The following HLA-DMB variants were observed in gnomAD, a reference collection of about 807,000 sequenced individuals.
HLA-DMB encodes the protein HLA class II histocompatibility antigen, DM beta chain.
A neutral mutation model predicts 29.3 loss-of-function variants in HLA-DMB; 18 were observed. That is an observed-to-expected ratio of 0.62 (90% CI 0.43 to 0.91). The LOEUF (loss-of-function observed/expected upper bound fraction) is 0.91. Ranked by LOEUF, HLA-DMB falls within the 40% of genes least tolerant of loss-of-function variation. The pLI is 0.00. For missense variants in HLA-DMB, 258 were observed against 320.9 expected (o/e 0.80, Z 1.50); for synonymous variants, 143 against 128.7 (o/e 1.11, Z -0.75).
intron 3 of HLA-DMB, chr6:32,935,868 C>T: frequency 1.7e-6 from 1 of 584,194 alleles, no homozygotes; most frequent in Non-Finnish European, 3.0e-6. Flanking sequence ...AACCCATCTC[C>T]CCAGAATTAG....
chr6:32,935,075 A>G, intron 5 of HLA-DMB, 88 bp from the exon 6 acceptor site: 2 of 1,482,172 alleles, frequency 1.3e-6, no homozygotes, highest in Non-Finnish European at 1.9e-6. Context: ...GCCTTAATAC[A>G]GTGATACTGA....
At chr6:32,940,035 G>A (rs1776257643) in intron 1 of HLA-DMB, among the ~76,000 whole-genome samples, 1 of 143,336 alleles carries the variant, frequency 7.0e-6, no homozygotes, top group African/African-American at 2.7e-5. Context: ...AGAATTGGTT[G>A]GTATGAGTAA....
At chr6:32,939,648 T>C (rs1776229654) in intron 1 of HLA-DMB, among the ~76,000 whole-genome samples, 1 of 152,188 alleles carries the variant, frequency 6.6e-6, no homozygotes, top group African/African-American at 2.4e-5. Context: ...CACAAAGAAA[T>C]GATAAATGAG....
chr6:32,939,755 T>G (rs1179717334), intron 1 of HLA-DMB, among the ~76,000 whole-genome samples: 2 of 152,184 alleles, frequency 1.3e-5, no homozygotes, highest in Non-Finnish European at 2.9e-5. Context: ...TAAAATATCC[T>G]TTGTAAAAAA....
At position 32,934,957 on chromosome 6, in the gene HLA-DMB, G is replaced by T; in HGVS notation, c.*14C>A. 8 of 1,612,420 alleles carry T rather than the reference G, an allele frequency of 5.0e-6. No homozygotes were observed. Among genetic ancestry groups the T allele is most frequent in the Non-Finnish European group, 6.8e-6 (8 of 1,179,494 alleles). Reference sequence around the variant, plus strand: ...CTCCTTCTCACTTGGAGTGGAAGTTGTAGGATTCTGCCTCTAGGAAATGTG... The same window carrying T: ...CTCCTTCTCACTTGGAGTGGAAGTTTTAGGATTCTGCCTCTAGGAAATGTG... On this transcript the variant is annotated 3_prime_UTR_variant, in exon 6 of 6. Coordinates refer to ENST00000418107, the MANE Select transcript of HLA-DMB (RefSeq NM_002118.5).
At position 32,938,849 on chromosome 6, in the gene HLA-DMB, C is replaced by T. The variant is rs1648319246; in HGVS notation, c.172G>A (p.Glu58Lys). The change falls in exon 2 of 6, where the codon GAG becomes AAG. Residue 58 changes from glutamate to lysine, a missense_variant. Physicochemically the swap from Glu to Lys is moderately conservative, Grantham distance 56 (BLOSUM62 1). Coordinates refer to ENST00000418107, the MANE Select transcript of HLA-DMB (RefSeq NM_002118.5). ...AATTCGCAAGGGGCCATCTTATTCT[C>T]CTCTGGATCCCAGCAGGTCAGCAGA... The part of the protein sequence containing the change: ...KDLLTCWDPE[E>K]NKMAPCEFGV... 6.2e-7 allele frequency: 1 copy of T among 1,612,424 alleles called. No homozygotes were observed. Among genetic ancestry groups the T allele is most frequent in the Non-Finnish European group, 8.5e-7 (1 of 1,179,776 alleles).
Position 32,940,750 on chromosome 6 carries a change from T to C in HLA-DMB, c.55+3A>G. On this transcript the variant is annotated splice_donor_region_variant and intron_variant, in intron 1 of 5. Transcript: ENST00000418107. The stretch of plus-strand genomic sequence containing the variant: ...GGAGAGTCCCCAGAAGAAGTGTCCT[T>C]ACCTGCTCCTGTGCAGCCCAGGCTG... 1 of 1,604,588 alleles carries C rather than the reference T, an allele frequency of 6.2e-7. No individual in the cohort carries two copies.
In HLA-DMB at chr6:32,938,490, T is replaced by C; in HGVS notation, c.337+194A>G. 4.2e-6 allele frequency: 2 copies of C among 481,194 alleles called. 1 individual carries two copies. The highest frequency in any genetic ancestry group is 1.5e-4 in the South Asian group (2 of 13,450). The allele number at this position is 481,194 out of a possible 1,614,324, so 29.8% of individuals were successfully genotyped here. A position where few individuals can be genotyped will look rare whatever the true frequency, so the allele number is the denominator to read the frequency against. On this transcript the variant is annotated intron_variant, in intron 2 of 5. Transcript: ENST00000418107. Reference sequence around the variant, plus strand: ...CGGTTCAAGCCTCACCTCCCCTTCTTTACTCCTGTTCCACTCACGTCAGCC... The same window carrying C: ...CGGTTCAAGCCTCACCTCCCCTTCTCTACTCCTGTTCCACTCACGTCAGCC...
intron 4 of HLA-DMB, 33 bp from the exon 5 acceptor site, chr6:32,935,410 T>G (rs1424091337): frequency 1.3e-6 from 2 of 1,582,506 alleles, no homozygotes; most frequent in Non-Finnish European, 1.7e-6. Context: ...TATACCAGTC[T>G]TTGTGGATGA....
chr6:32,939,146 C>T (rs1362287503), intron 1 of HLA-DMB, among the ~76,000 whole-genome samples, 181 bp from the exon 2 acceptor site: 2 of 152,090 alleles, frequency 1.3e-5, no homozygotes, highest in African/African-American at 2.4e-5. Context: ...AGTGCCTAAT[C>T]GCTTAGAATT....
rs887524181 is a variant in HLA-DMB, at chr6:32,937,533, C to T, written c.338-77G>A. On this transcript the variant is annotated intron_variant, in intron 2 of 5. Coordinates refer to ENST00000418107, the MANE Select transcript of HLA-DMB (RefSeq NM_002118.5). The surrounding 1 kb of genome is among the most constrained non-coding windows in gnomAD (Gnocchi z 4.1). ...TTCCTCAACCTGGTTTCTTCCCTAT[C>T]GCAACTCTTCGTAGATTTTGCAACC... 98 of 1,436,106 alleles carry T rather than the reference C, an allele frequency of 6.8e-5. No individual in the cohort carries two copies. The highest frequency in any genetic ancestry group is 8.7e-5 in the Non-Finnish European group (91 of 1,046,026). 89.0% of individuals were successfully genotyped at this position (1,436,106 alleles called of 1,614,324 possible).
chr6:32,940,960 A>G lies in HLA-DMB; in HGVS notation c.-153T>C. The G allele has an allele frequency of 1.7e-6, 1 of 574,928 alleles. No individual in the cohort carries two copies. Among genetic ancestry groups the G allele is most frequent in the East Asian group, 2.8e-5 (1 of 35,578 alleles). 35.6% of individuals were successfully genotyped at this position (574,928 alleles called of 1,614,324 possible). The stretch of plus-strand genomic sequence containing the variant: ...ATTGCCCGGGTCCCTTGACCCCCCA[A>G]ATGAGTGATGTGGGGATACCCAGCC... On this transcript the variant is annotated 5_prime_UTR_variant, in exon 1 of 6. Transcript: ENST00000418107.
chr6:32,937,658 C>T lies in HLA-DMB; in HGVS notation c.338-202G>A. 1.7e-6 allele frequency: 1 copy of T among 571,450 alleles called. No homozygotes were observed. The highest frequency in any genetic ancestry group is 3.1e-6 in the Non-Finnish European group (1 of 323,792). The allele number at this position is 571,450 out of a possible 1,614,324, so 35.4% of individuals were successfully genotyped here. A position where few individuals can be genotyped will look rare whatever the true frequency, so the allele number is the denominator to read the frequency against. On this transcript the variant is annotated intron_variant, in intron 2 of 5. Coordinates refer to ENST00000418107, the MANE Select transcript of HLA-DMB (RefSeq NM_002118.5). The surrounding 1 kb of genome is among the most constrained non-coding windows in gnomAD (Gnocchi z 4.1). The stretch of plus-strand genomic sequence containing the variant: ...TTTCTTCTCTCCCATTCCTTCATTG[C>T]CCCTTTCTTTCTTTCCTCCTCCAGA...
At chr6:32,940,059 AC>A (rs9280235) in intron 1 of HLA-DMB, among the ~76,000 whole-genome samples, 2 of 150,122 alleles carry the variant, frequency 1.3e-5, no homozygotes, top group Non-Finnish European at 1.5e-5. Context: ...AAAAAAAAAA[AC>A]CTCACACAGT....
chr6:32,936,967 G>T, intron 3 of HLA-DMB: 32 of 391,976 alleles, frequency 8.2e-5, no homozygotes, highest in Middle Eastern at 3.4e-4. Context: ...TGAAAGTAAT[G>T]GCAAAAACTG....
rs1775917955 is a variant in HLA-DMB at position 32,935,029 on chromosome 6, A to G, written c.776-42T>C. ...AGGGAGATAATGAGGCTTCAACCCA[A>G]CTTGCCCCCATCGTTTGTCACTGTA... On this transcript the variant is annotated intron_variant, in intron 5 of 5. Transcript: ENST00000418107. The G allele has an allele frequency of 2.5e-6, 4 of 1,611,100 alleles. No homozygotes were observed. The East Asian group carries it at 8.9e-5, about 36-fold the overall frequency.
Position 32,937,629 on chromosome 6 carries a change from ACT to A in HLA-DMB, c.338-175_338-174del, listed in dbSNP as rs1776088131. The A allele has an allele frequency of 1.7e-6, 1 of 593,840 alleles. No homozygotes were observed. The highest frequency in any genetic ancestry group is 1.9e-5 in the African/African-American group (1 of 53,554). The allele number at this position is 593,840 out of a possible 1,614,324, so 36.8% of individuals were successfully genotyped here. Reference sequence around the variant, plus strand: ...AACCGTTAGAATGTATTCCTGCATTACTCTTTCTTCTCTCCCATTCCTTCATT... The same window carrying A: ...AACCGTTAGAATGTATTCCTGCATTACTTTCTTCTCTCCCATTCCTTCATT... On this transcript the variant is annotated intron_variant, in intron 2 of 5. Coordinates refer to ENST00000418107, the MANE Select transcript of HLA-DMB (RefSeq NM_002118.5). The surrounding 1 kb of genome is among the most constrained non-coding windows in gnomAD (Gnocchi z 4.1).
At chr6:32,935,961 A>G in intron 3 of HLA-DMB, 1 of 415,474 alleles carries the variant, frequency 2.4e-6, no homozygotes, top group South Asian at 3.4e-5. Context: ...AGCCACCCTT[A>G]TCAGGATAAA....
chr6:32,935,504 G>A lies in HLA-DMB; in HGVS notation c.739+32C>T, dbSNP rs187493403. ...GAAAGTAAGCAGAGAGTGGGACCAAGAGTGGGGATGGGAGTTCAGCGAGTC... is the reference window on the plus strand; with the variant it reads ...GAAAGTAAGCAGAGAGTGGGACCAAAAGTGGGGATGGGAGTTCAGCGAGTC... On this transcript the variant is annotated intron_variant, in intron 4 of 5. Coordinates refer to ENST00000418107, the MANE Select transcript of HLA-DMB (RefSeq NM_002118.5). 2.0e-4 allele frequency: 311 copies of A among 1,565,410 alleles called. 3 individuals carry two copies. Among genetic ancestry groups the A allele is most frequent in the East Asian group, 3.6e-4 (16 of 44,634 alleles).
Sources: gnomAD v4.1 joint callset for allele counts (sites outside exome capture counted in the v4.1 genomes callset) on GRCh38, gnomAD v4.1.1 for gene constraint, Gnocchi (gnomAD v3.1) non-coding constraint, MANE v1.5 for transcripts, NCBI Gene and HGNC (gene_info 2026-07-23, HGNC 2026-07-21) for gene names.